Variants in UGT1A3 observed in about 807,000 individuals in gnomAD.
UGT1A3 encodes the protein UDP-glucuronosyltransferase 1A3.
Under a neutral mutation model 41.0 loss-of-function variants are expected in UGT1A3, and 31 were observed. The observed-to-expected ratio is 0.76, with a 90% CI of 0.57 to 1.02. UGT1A3 has a LOEUF of 1.02. Ranked by LOEUF, UGT1A3 falls within the 50% of genes least tolerant of loss-of-function variation. UGT1A3 has a pLI of 0.00. For missense variants in UGT1A3, 737 were observed against 671.0 expected (o/e 1.10, Z -1.09); for synonymous variants, 262 against 257.6 (o/e 1.02, Z -0.17).
rs533644543 is a variant in UGT1A3 at position 233,772,493 on chromosome 2, T to C, written c.1539T>C (p.Tyr513=). 6.2e-7 allele frequency: 1 copy of C among 1,614,152 alleles called. No individual in the cohort carries two copies. The highest frequency in any genetic ancestry group is 2.2e-5 in the East Asian group (1 of 44,874). The change falls in exon 5 of 5, where the codon TAT becomes TAC. Residue 513 remains tyrosine (Y), a synonymous_variant. Transcript: ENST00000482026. Reference sequence around the variant, plus strand: ...TCATCACCTTTAAATGTTGTGCTTATGGCTACCGGAAATGCTTGGGGAAAA... The same window carrying C: ...TCATCACCTTTAAATGTTGTGCTTACGGCTACCGGAAATGCTTGGGGAAAA... The part of the protein sequence containing the change: ...VAFITFKCCA[Y]GYRKCLGKKG...
intron 1 of UGT1A3, among the ~76,000 whole-genome samples, chr2:233,738,371 C>A (rs1337680224): frequency 1.3e-5 from 2 of 152,150 alleles, no homozygotes; most frequent in African/African-American, 4.8e-5. Context: ...TGCTATAAAA[C>A]TACTTGAAAA....
In UGT1A3 at chr2:233,729,586, G is replaced by A. The variant is rs138085546; in HGVS notation, c.460G>A (p.Val154Ile). 599 of 1,614,044 alleles carry A rather than the reference G, an allele frequency of 3.7e-4. No homozygotes were observed. The highest frequency in any genetic ancestry group is 4.5e-4 in the Non-Finnish European group (527 of 1,179,986). The change falls in exon 1 of 5, where the codon GTT becomes ATT. Residue 154 changes from valine (V) to isoleucine (I), a missense_variant. Val to Ile is a conservative substitution (Grantham distance 29). Coordinates refer to ENST00000482026, the MANE Select transcript of UGT1A3 (RefSeq NM_019093.4). ...CTTTGATGTGGTTTTAACAGACCCC[G>A]TTAACCTCTGCGCGGCAGTGCTGGC... The part of the protein sequence containing the change: ...TSFDVVLTDP[V>I]NLCAAVLAKY...
chr2:233,772,849 C>T lies in UGT1A3; in HGVS notation c.*290C>T, dbSNP rs1021003584. The T allele has an allele frequency of 7.7e-6, 6 of 777,596 alleles. No individual in the cohort carries two copies. In the African/African-American group the frequency reaches 8.9e-5, roughly 11 times the overall value. 48.2% of individuals were successfully genotyped at this position (777,596 alleles called of 1,614,324 possible). On this transcript the variant is annotated 3_prime_UTR_variant, in exon 5 of 5. Transcript: ENST00000482026. ...CTGGCATTCTAGATTACTTTTCTTACTCTGAAACATGGCCTGTTTGGGAGT... is the reference window on the plus strand; with the variant it reads ...CTGGCATTCTAGATTACTTTTCTTATTCTGAAACATGGCCTGTTTGGGAGT...
chr2:233,733,661 T>C (rs1200789776), intron 1 of UGT1A3, among the ~76,000 whole-genome samples: 1 of 152,240 alleles, frequency 6.6e-6, no homozygotes, highest in African/African-American at 2.4e-5. Context: ...GAAGCCGACT[T>C]GATCGATGTG....
intron 1 of UGT1A3, chr2:233,754,534 G>A (rs1695504785): frequency 2.7e-6 from 1 of 372,112 alleles, no homozygotes; most frequent in Non-Finnish European, 5.3e-6. Flanking sequence ...GGCAAATGTG[G>A]ACTGGAATTA....
chr2:233,747,970 C>G, intron 1 of UGT1A3: 5 of 1,613,476 alleles, frequency 3.1e-6, no homozygotes, highest in Non-Finnish European at 4.2e-6. Flanking sequence ...AGCCATGCAT[C>G]TGTGTGGCTG....
intron 1 of UGT1A3, chr2:233,743,500 G>C (rs1692320466): frequency 7.3e-7 from 1 of 1,366,958 alleles, no homozygotes; most frequent in African/African-American, 1.5e-5. Flanking sequence ...AGAGAAAAGG[G>C]GTGCAGACGC....
At chr2:233,747,932 G>C in intron 1 of UGT1A3, 1 of 1,613,428 alleles carries the variant, frequency 6.2e-7, no homozygotes, top group Non-Finnish European at 8.5e-7. Flanking sequence ...AGCTTTTTCA[G>C]AGGGAGGTGT....
chr2:233,743,731 G>A (rs373030535), intron 1 of UGT1A3: 15 of 1,367,244 alleles, frequency 1.1e-5, no homozygotes, highest in Middle Eastern at 2.1e-4. Flanking sequence ...CATAGATATC[G>A]CGTTTCTTGG....
At chr2:233,730,586 G>A (rs2078050719) in intron 1 of UGT1A3, among the ~76,000 whole-genome samples, 1 of 152,116 alleles carries the variant, frequency 6.6e-6, no homozygotes, top group Admixed American at 6.6e-5. Context: ...TTCCAGACAG[G>A]GATCTGTGCT....
At chr2:233,742,146 G>A (rs1312882014) in intron 1 of UGT1A3, among the ~76,000 whole-genome samples, 1 of 151,928 alleles carries the variant, frequency 6.6e-6, no homozygotes, top group Admixed American at 6.5e-5. Context: ...AGCAGCGCTA[G>A]ACGAATTAAA....
At chr2:233,754,276 G>A (rs906718442) in intron 1 of UGT1A3, 4 of 190,364 alleles carry the variant, frequency 2.1e-5, no homozygotes, top group Admixed American at 1.6e-4. Context: ...AAAGTGCTGA[G>A]ATGAACATTC....
At position 233,769,460 on chromosome 2, in the gene UGT1A3, TATGC is replaced by T. The variant is rs1219729658; in HGVS notation, c.1307+1022_1307+1025del. ...GTGTGGGTGCACACGTGTGCATTCA[TATGC>T]GTGTGTGTGTGTGTGCGTGTGTTTA... On this transcript the variant is annotated intron_variant, in intron 4 of 4. Coordinates refer to ENST00000482026, the MANE Select transcript of UGT1A3 (RefSeq NM_019093.4). The surrounding 1 kb of genome is among the most constrained non-coding windows in gnomAD (Gnocchi z 4.4). 1.1e-5 allele frequency: 17 copies of T among 1,601,706 alleles called. No homozygotes were observed. Among genetic ancestry groups the T allele is most frequent in the Non-Finnish European group, 1.3e-5 (15 of 1,170,686 alleles).
chr2:233,762,695 CT>C lies in UGT1A3; in HGVS notation c.868-4335del, dbSNP rs571184142. Among the ~76,000 whole-genome samples, 40 of 148,314 alleles carry C rather than the reference CT, an allele frequency of 2.7e-4. No individual in the cohort carries two copies. The South Asian group carries it at 8.3e-3, about 31-fold the overall frequency. ...TTTGTTCTGTTTCTTTCTCATTCAT[CT>C]TTTCTTAAGTATTTTACACGGTTTT... On this transcript the variant is annotated intron_variant, in intron 1 of 4. Coordinates refer to ENST00000482026, the MANE Select transcript of UGT1A3 (RefSeq NM_019093.4).
intron 1 of UGT1A3, among the ~76,000 whole-genome samples, chr2:233,758,456 A>T (rs1329200911): frequency 2.0e-5 from 3 of 152,254 alleles, no homozygotes; most frequent in Non-Finnish European, 4.4e-5. Flanking sequence ...TGGAAGAATT[A>T]TCACCCTTAA....
At chr2:233,746,036 T>C (rs1289078597) in intron 1 of UGT1A3, among the ~76,000 whole-genome samples, 1 of 151,694 alleles carries the variant, frequency 6.6e-6, no homozygotes, top group South Asian at 2.1e-4. Context: ...ACTTACTTGC[T>C]GGCTTGGATG....
In UGT1A3 at chr2:233,745,331, C is replaced by A. The variant is rs932563797; in HGVS notation, c.867+15338C>A. Among the ~76,000 whole-genome samples, 35 of 151,966 alleles carry A rather than the reference C, an allele frequency of 2.3e-4. 1 individual carries two copies. The highest frequency in any genetic ancestry group is 8.2e-4 in the African/African-American group (34 of 41,248). ...ATTATTTCCACTAGAACTGCTATAT[C>A]ATGACCATGAATTTTGGGGGAATTT... is the stretch of plus-strand genomic sequence containing the variant. On this transcript the variant is annotated intron_variant, in intron 1 of 4. Transcript: ENST00000482026.
chr2:233,734,126 AG>A (rs1325771247), intron 1 of UGT1A3, among the ~76,000 whole-genome samples: 3 of 151,608 alleles, frequency 2.0e-5, no homozygotes, highest in Non-Finnish European at 4.4e-5. Context: ...AATAATAAAA[AG>A]AATTTGGCTG....
intron 1 of UGT1A3, chr2:233,760,670 C>T: frequency 6.2e-7 from 1 of 1,614,098 alleles, no homozygotes; most frequent in Non-Finnish European, 8.5e-7. Context: ...TCTGGCTGTT[C>T]CCACTTACTG....
Sources: allele counts gnomAD v4.1 joint callset (sites outside exome capture counted in the v4.1 genomes callset), GRCh38; gene constraint gnomAD v4.1.1; non-coding constraint Gnocchi (gnomAD v3.1); transcripts MANE v1.5; gene names NCBI Gene and HGNC (gene_info 2026-07-23, HGNC 2026-07-21).